OR2AT4: variants seen among roughly 807,000 people sequenced by gnomAD.
OR2AT4 encodes the protein olfactory receptor 2AT4.
A neutral mutation model predicts 10.3 loss-of-function variants in OR2AT4; 6 were observed. The ratio of observed to expected loss-of-function variants is 0.58; its 90% CI spans 0.32 to 1.15. The LOEUF is 1.15. Among genes scored for constraint, OR2AT4 ranks in the 50% most tolerant of loss-of-function variants. OR2AT4 has a pLI of 0.05. For synonymous variants in OR2AT4, 145 were observed against 159.1 expected, an observed-to-expected ratio of 0.91 and a Z score of 0.67; for missense variants, 354 against 393.8, an observed-to-expected ratio of 0.90 and a Z score of 0.85.
exon 2 of OR2AT4, chr11:75,089,280 G>A: frequency 6.2e-7 from 1 of 1,614,216 alleles, no homozygotes; most frequent in Non-Finnish European, 8.5e-7. Context: ...GGTAGCATTG[G>A]TCTGTGGGTT....
exon 2 of OR2AT4, chr11:75,089,706 G>T: frequency 6.2e-7 from 1 of 1,609,420 alleles, no homozygotes; most frequent in South Asian, 1.1e-5. Flanking sequence ...ACAGGCTGTG[G>T]CATCCATTGT....
At chr11:75,093,554 C>T (rs1949330262) in intron 1 of OR2AT4, among the ~76,000 whole-genome samples, 1 of 152,178 alleles carries the variant, frequency 6.6e-6, no homozygotes, top group Admixed American at 6.6e-5. Context: ...ATTGACTGCT[C>T]TACTCTGTTG....
exon 2 of OR2AT4, chr11:75,088,916 G>A: frequency 1.2e-6 from 2 of 1,614,142 alleles, no homozygotes; most frequent in South Asian, 1.1e-5. Context: ...CAGCCCTGTA[G>A]GCCACGTAGG....
In OR2AT4 at chr11:75,083,907, G is replaced by A. The variant is rs1295717889; in HGVS notation, c.*4844C>T. ...AATCACTTGAACCTGGGAGGCGGAG[G>A]CTGTGGTGAGCTGAGATCGTGCCAT... On this transcript the variant is annotated 3_prime_UTR_variant, in exon 2 of 2. Transcript: ENST00000641504. 4 of 152,026 alleles carry A rather than the reference G, an allele frequency of 2.6e-5. No homozygotes were observed. The East Asian group carries it at 5.8e-4, about 22-fold the overall frequency. 9.4% of individuals were successfully genotyped at this position (152,026 alleles called of 1,614,324 possible).
chr11:75,088,468 T>C (rs1949300353), exon 2 of OR2AT4: 1 of 245,426 alleles, frequency 4.1e-6, no homozygotes, highest in African/African-American at 2.2e-5. Context: ...TATTGAAATG[T>C]TTATTTCAAT....
At chr11:75,095,941 G>C (rs915920258) in intron 1 of OR2AT4, 1 of 152,236 alleles carries the variant, frequency 6.6e-6, no homozygotes, top group Admixed American at 6.5e-5. Flanking sequence ...GCCTCCCAAA[G>C]TGCTGGCATT....
chr11:75,092,072 G>T (rs1949322575), intron 1 of OR2AT4, among the ~76,000 whole-genome samples: 1 of 152,072 alleles, frequency 6.6e-6, no homozygotes, highest in South Asian at 2.1e-4. Context: ...TGGACAAATG[G>T]GTGAAAGACT....
exon 2 of OR2AT4, chr11:75,089,523 A>C (rs1321791265): frequency 6.2e-7 from 1 of 1,614,132 alleles, no homozygotes; most frequent in Non-Finnish European, 8.5e-7. Flanking sequence ...AAAGAAGTAC[A>C]TGGGCTTGTG....
In OR2AT4 at chr11:75,091,457, T is replaced by C. The variant is rs1949319704; in HGVS notation, c.-651-1093A>G. Among the ~76,000 whole-genome samples, 5 of 152,138 alleles carry C rather than the reference T, an allele frequency of 3.3e-5. No homozygotes were observed. In the South Asian group the frequency reaches 1.0e-3, roughly 32 times the overall value. ...TAAAATGGGCAATTTCAATAGAAAATTGGAATCTATTTTAAAAAGAACCAA... is the reference window on the plus strand; with the variant it reads ...TAAAATGGGCAATTTCAATAGAAAACTGGAATCTATTTTAAAAAGAACCAA... On this transcript the variant is annotated intron_variant, in intron 1 of 1. Coordinates refer to ENST00000641504, the Ensembl canonical transcript of OR2AT4.
chr11:75,095,766 C>A (rs1949346355), intron 1 of OR2AT4, among the ~76,000 whole-genome samples: 2 of 151,068 alleles, frequency 1.3e-5, no homozygotes. Flanking sequence ...CAACCTCTGC[C>A]TCCCGGGTTC....
intron 1 of OR2AT4, among the ~76,000 whole-genome samples, chr11:75,092,035 C>T (rs896597937): frequency 1.3e-5 from 2 of 151,994 alleles, no homozygotes; most frequent in African/African-American, 4.8e-5. Context: ...AAAACCTTGA[C>T]AAGTAAGAAA....
At chr11:75,093,810 C>CTTTTTTTTTTTTTTTTTTTTTTTTTG (rs1949332532) in intron 1 of OR2AT4, among the ~76,000 whole-genome samples, 1 of 61,804 alleles carries the variant, frequency 1.6e-5, no homozygotes. Context: ...TTTTCTTTTT[C>CTTTTTTTTTTTTTTTTTTTTTTTTTG]TTTTTTTTTT....
chr11:75,081,954 C>A, exon 2 of OR2AT4: 1 of 152,150 alleles, frequency 6.6e-6, no homozygotes, highest in Non-Finnish European at 1.5e-5. Context: ...ATACTGCCCA[C>A]AGCAATATAC....
exon 2 of OR2AT4, chr11:75,088,716 G>T (rs762780903): frequency 1.3e-6 from 2 of 1,521,500 alleles, no homozygotes; most frequent in East Asian, 2.3e-5. Flanking sequence ...ACTGTTATTT[G>T]GTGTCCTGGA....
rs772311147 is a variant in OR2AT4, at chr11:75,089,538, C to G, written c.176G>C (p.Ser59Thr). 38 of 1,614,090 alleles carry G rather than the reference C, an allele frequency of 2.4e-5. No individual in the cohort carries two copies. Among genetic ancestry groups the G allele is most frequent in the Non-Finnish European group, 3.1e-5 (36 of 1,179,972 alleles). The change falls in exon 2 of 2, where the codon AGC (serine) becomes ACC (threonine). Residue 59 changes from serine to threonine, a missense_variant. By Grantham distance (58) the Ser-to-Thr change is moderately conservative. Coordinates refer to ENST00000641504, the Ensembl canonical transcript of OR2AT4. ...AAAGAAGTACATGGGCTTGTGGAGG[C>G]TGGGCTCTGCCACCACGGCCACCAG...
exon 2 of OR2AT4, chr11:75,089,503 G>T: frequency 6.2e-7 from 1 of 1,614,206 alleles, no homozygotes; most frequent in Non-Finnish European, 8.5e-7. Flanking sequence ...AAGGTGGAGA[G>T]ATTGATCAGA....
At chr11:75,088,890 A>C (rs372023758) in exon 2 of OR2AT4, 6 of 1,613,888 alleles carry the variant, frequency 3.7e-6, no homozygotes, top group Admixed American at 1.7e-5. Context: ...CATGATATGG[A>C]AGTCAAGGGG....
chr11:75,093,804 C>CTTTTTCTTTT (rs1483166728), intron 1 of OR2AT4, among the ~76,000 whole-genome samples: 2 of 88,352 alleles, frequency 2.3e-5, no homozygotes, highest in African/African-American at 8.4e-5. Context: ...TTTTCTTTTT[C>CTTTTTCTTTT]TTTTTCTTTT....
At position 75,089,176 on chromosome 11, in the gene OR2AT4, A is replaced by C; in HGVS notation, c.538T>G (p.Tyr180Asp). The change falls in exon 2 of 2, where the codon TAC becomes GAC. Residue 180 changes from tyrosine to aspartate, a missense_variant. Tyr to Asp is a radical substitution (Grantham distance 160, BLOSUM62 -3). Coordinates refer to ENST00000641504, the Ensembl canonical transcript of OR2AT4. ...GCCAGATGATCACAGAAGCAGTGGT[A>C]GATGTAGGCAATGCTGTTATATGCC... 1.2e-6 allele frequency: 2 copies of C among 1,614,134 alleles called. No homozygotes were observed. Among genetic ancestry groups the C allele is most frequent in the East Asian group, 4.5e-5 (2 of 44,886 alleles).
Sources: allele counts gnomAD v4.1 joint callset (sites outside exome capture counted in the v4.1 genomes callset), GRCh38; gene constraint gnomAD v4.1.1; transcripts MANE v1.5; gene names NCBI Gene and HGNC (gene_info 2026-07-23, HGNC 2026-07-21).